ZCCHC24: variants seen among roughly 807,000 people sequenced by gnomAD.
The protein encoded by ZCCHC24 is zinc finger CCHC domain-containing protein 24.
In ZCCHC24, 10 loss-of-function variants were observed where a neutral mutation model predicts 26.2. The observed-to-expected ratio is 0.38, with a 90% CI of 0.24 to 0.65. The LOEUF is 0.65. ZCCHC24 is among the 30% of genes least tolerant of loss of function. The pLI is 0.54. For synonymous variants in ZCCHC24, 144 were observed against 147.1 expected, an observed-to-expected ratio of 0.98 and a Z score of 0.15; for missense variants, 243 against 329.1, an observed-to-expected ratio of 0.74 and a Z score of 2.03.
chr10:79,426,922 G>A (rs1188069903), intron 2 of ZCCHC24, among the ~76,000 whole-genome samples: 1 of 152,048 alleles, frequency 6.6e-6, no homozygotes, highest in Non-Finnish European at 1.5e-5. Context: ...CAAAAAACAA[G>A]ATCAACTATA....
intron 1 of ZCCHC24, among the ~76,000 whole-genome samples, chr10:79,440,628 T>C (rs1857281095): frequency 6.6e-6 from 1 of 152,154 alleles, no homozygotes. Flanking sequence ...TCCCACTGAC[T>C]GGCTAGGTGA....
At chr10:79,426,407 G>T (rs1400715355) in intron 2 of ZCCHC24, among the ~76,000 whole-genome samples, 1 of 152,180 alleles carries the variant, frequency 6.6e-6, no homozygotes, top group Non-Finnish European at 1.5e-5. Flanking sequence ...AATATTTGAA[G>T]AAATCATGGC....
chr10:79,414,793 C>A (rs761067341), intron 2 of ZCCHC24, among the ~76,000 whole-genome samples: 13 of 152,138 alleles, frequency 8.5e-5, no homozygotes, highest in Non-Finnish European at 1.9e-4. Flanking sequence ...AAATTTCTAG[C>A]ACCAAAAACC....
Position 79,435,150 on chromosome 10 carries a change from C to A in ZCCHC24, c.247-2392G>T, listed in dbSNP as rs894747865. Among the ~76,000 whole-genome samples the A allele has an allele frequency of 5.3e-5, 8 of 152,242 alleles. No homozygotes were observed. In the East Asian group the frequency reaches 1.2e-3, roughly 22 times the overall value. Reference sequence around the variant, plus strand: ...GACTCACCCTCATGGCTGGGAAACACAATTTCACAAATAACAACCCTCTTA... The same window carrying A: ...GACTCACCCTCATGGCTGGGAAACAAAATTTCACAAATAACAACCCTCTTA... On this transcript the variant is annotated intron_variant, in intron 1 of 3. Transcript: ENST00000372336.
rs1029576886 is a variant in ZCCHC24 at position 79,436,493 on chromosome 10, G to A, written c.247-3735C>T. On this transcript the variant is annotated intron_variant, in intron 1 of 3. Transcript: ENST00000372336. ...CCCAGCGTAGCCCAGTCAGCACTGC[G>A]GTTGGCAGGAGGGGGCGCAGGGATC... Among the ~76,000 whole-genome samples the A allele has an allele frequency of 9.2e-5, 14 of 152,352 alleles. 2 individuals are homozygous for A. The South Asian group carries it at 2.9e-3, about 32-fold the overall frequency.
intron 2 of ZCCHC24, among the ~76,000 whole-genome samples, chr10:79,424,791 C>T (rs1857003528): frequency 2.0e-5 from 3 of 152,192 alleles, no homozygotes; most frequent in African/African-American, 7.2e-5. Flanking sequence ...TGGCCCAGGG[C>T]TCACAGTGCC....
chr10:79,390,327 G>T (rs1281807205), intron 3 of ZCCHC24, among the ~76,000 whole-genome samples: 1 of 152,242 alleles, frequency 6.6e-6, no homozygotes, highest in African/African-American at 2.4e-5. Context: ...ACATGATAGG[G>T]TTGCTGTGAA....
intron 1 of ZCCHC24, among the ~76,000 whole-genome samples, chr10:79,443,214 C>T (rs185526186): frequency 6.6e-6 from 1 of 152,278 alleles, no homozygotes; most frequent in Non-Finnish European, 1.5e-5. Context: ...TATGGGGAAA[C>T]TGAGGTACGC....
At chr10:79,440,149 G>A (rs773626851) in intron 1 of ZCCHC24, among the ~76,000 whole-genome samples, 5 of 152,046 alleles carry the variant, frequency 3.3e-5, no homozygotes, top group Non-Finnish European at 7.4e-5. Flanking sequence ...TAGGACCTGA[G>A]ACCTAGGCTG....
chr10:79,429,239 G>A (rs967615294), intron 2 of ZCCHC24, among the ~76,000 whole-genome samples: 1 of 152,202 alleles, frequency 6.6e-6, no homozygotes, highest in African/African-American at 2.4e-5. Flanking sequence ...CAGATCTACA[G>A]AGAGAGAAAT....
At chr10:79,405,254 C>T (rs754588372) in intron 2 of ZCCHC24, among the ~76,000 whole-genome samples, 7 of 152,246 alleles carry the variant, frequency 4.6e-5, no homozygotes, top group Non-Finnish European at 1.0e-4. Context: ...CGAAATTCCC[C>T]TACTGCCATC....
At chr10:79,393,628 C>T (rs902576158) in intron 3 of ZCCHC24, among the ~76,000 whole-genome samples, 2 of 152,236 alleles carry the variant, frequency 1.3e-5, no homozygotes, top group Non-Finnish European at 2.9e-5. Flanking sequence ...TTGGGTCCCT[C>T]GAGTGCCCCC....
In ZCCHC24 at chr10:79,386,237, C is replaced by T. The variant is rs1230221599; in HGVS notation, c.*108G>A. 6 of 1,046,562 alleles carry T rather than the reference C, an allele frequency of 5.7e-6. No homozygotes were observed. The highest frequency in any genetic ancestry group is 1.6e-5 in the African/African-American group (1 of 63,184). 64.8% of individuals were successfully genotyped at this position (1,046,562 alleles called of 1,614,324 possible). A position where few individuals can be genotyped will look rare whatever the true frequency, so the allele number is the denominator to read the frequency against. The stretch of plus-strand genomic sequence containing the variant: ...CCCCCGGCCCAGCCCCGCAGGCCTG[C>T]GAGGGCACCCCATGCACAGGGCGAC... On this transcript the variant is annotated 3_prime_UTR_variant, in exon 4 of 4. Transcript: ENST00000372336.
At chr10:79,401,028 G>A (rs1564633386) in intron 2 of ZCCHC24, among the ~76,000 whole-genome samples, 4 of 152,264 alleles carry the variant, frequency 2.6e-5, no homozygotes, top group Admixed American at 2.0e-4. Context: ...TTTGCACAGA[G>A]GTGACATTGT....
At chr10:79,395,403 A>G (rs1258104998) in intron 2 of ZCCHC24, among the ~76,000 whole-genome samples, 1 of 152,252 alleles carries the variant, frequency 6.6e-6, no homozygotes, top group African/African-American at 2.4e-5. Flanking sequence ...TATAATGAAT[A>G]ACTTCATATA....
At chr10:79,437,934 G>A (rs1857236762) in intron 1 of ZCCHC24, among the ~76,000 whole-genome samples, 1 of 152,228 alleles carries the variant, frequency 6.6e-6, no homozygotes, top group Non-Finnish European at 1.5e-5. Flanking sequence ...AGAGGGAGAA[G>A]AGAGGGCACA....
rs529368427 is a variant in ZCCHC24 at position 79,404,538 on chromosome 10, A to G, written c.448-10098T>C. Reference sequence around the variant, plus strand: ...GCTGGCTGCCTTAGTGGGTGGATGGAAGATCTGCAGCCACCCTGCTGTTTG... The same window carrying G: ...GCTGGCTGCCTTAGTGGGTGGATGGGAGATCTGCAGCCACCCTGCTGTTTG... On this transcript the variant is annotated intron_variant, in intron 2 of 3. Coordinates refer to ENST00000372336, the MANE Select transcript of ZCCHC24 (RefSeq NM_153367.4). 2.6e-5 allele frequency among the ~76,000 whole-genome samples: 4 copies of G among 152,276 alleles called. No homozygotes were observed. In the East Asian group the frequency reaches 7.7e-4, roughly 29 times the overall value.
chr10:79,386,859 T>C (rs1232843834), intron 3 of ZCCHC24, among the ~76,000 whole-genome samples: 3 of 152,116 alleles, frequency 2.0e-5, no homozygotes, highest in Admixed American at 6.5e-5. Flanking sequence ...AGCCAGCACC[T>C]GAAGTTCACG....
chr10:79,393,712 C>T (rs759492261), intron 3 of ZCCHC24, among the ~76,000 whole-genome samples: 22 of 152,204 alleles, frequency 1.4e-4, no homozygotes, highest in Non-Finnish European at 2.9e-4. Flanking sequence ...TTCACTGAAC[C>T]GTGGGCCTGA....
Sources: allele counts gnomAD v4.1 joint callset (sites outside exome capture counted in the v4.1 genomes callset), GRCh38; gene constraint gnomAD v4.1.1; transcripts MANE v1.5; gene names NCBI Gene and HGNC (gene_info 2026-07-23, HGNC 2026-07-21).